Variants in ACOT11 observed in about 807,000 individuals in gnomAD.
ACOT11 encodes the protein acyl-coenzyme A thioesterase 11.
ACOT11 carries 69 observed loss-of-function variants against 77.5 expected under a neutral mutation model. The observed-to-expected ratio is 0.89, with a 90% confidence interval of 0.73 to 1.09. The LOEUF (loss-of-function observed/expected upper bound fraction) is 1.09. ACOT11 is among the 50% of genes least tolerant of loss of function. ACOT11 has a pLI of 0.00. For synonymous variants in ACOT11, 279 were observed against 313.0 expected (o/e 0.89, Z 1.15); for missense variants, 766 against 813.7 (o/e 0.94, Z 0.71).
intron 10 of ACOT11, among the ~76,000 whole-genome samples, chr1:54,603,109 G>A (rs1400780682): frequency 6.6e-6 from 1 of 152,246 alleles, no homozygotes; most frequent in Non-Finnish European, 1.5e-5. Context: ...GGCCGAGGCA[G>A]GCAGATCCCC....
rs569748836 is a variant in ACOT11 at position 54,584,939 on chromosome 1, C to T, written c.241+77C>T. On this transcript the variant is annotated intron_variant, in intron 2 of 15. Transcript: ENST00000343744. This position sits in a 1 kb window ranked among gnomAD's most constrained non-coding sequence, Gnocchi z 6.3. ...GGGCCGTGCTTTCAGAGATGGTCAC[C>T]GTCCACCCTAAGTGCCACACTTGTT... 4.3e-5 allele frequency: 62 copies of T among 1,437,500 alleles called. No homozygotes were observed. Among genetic ancestry groups the T allele is most frequent in the African/African-American group, 1.1e-4 (8 of 71,132 alleles). The allele number at this position is 1,437,500 out of a possible 1,614,324, so 89.0% of individuals were successfully genotyped here.
At chr1:54,585,491 T>G (rs1020287755) in intron 2 of ACOT11, among the ~76,000 whole-genome samples, 1 of 152,120 alleles carries the variant, frequency 6.6e-6, no homozygotes, top group Non-Finnish European at 1.5e-5. Flanking sequence ...GCCAGTGTGG[T>G]GTGATCACTC....
At chr1:54,611,477 GC>G (rs1416052382), downstream of ACOT11, 11 of 846,830 alleles carry the variant, frequency 1.3e-5, no homozygotes, top group Admixed American at 2.5e-4. Flanking sequence ...ACAAAATGCA[GC>G]CGCCTCCTGT....
intron 2 of ACOT11, among the ~76,000 whole-genome samples, chr1:54,585,383 G>T (rs947096818): frequency 1.3e-5 from 2 of 152,200 alleles, no homozygotes; most frequent in African/African-American, 4.8e-5. Context: ...TGCCTGAGGG[G>T]CTAAGGCACC....
In ACOT11 at chr1:54,572,571, G is replaced by T. The variant is rs193054613; in HGVS notation, c.34-12084G>T. Among the ~76,000 whole-genome samples the T allele has an allele frequency of 1.9e-3, 280 of 150,920 alleles. 1 individual carries two copies. The highest frequency in any genetic ancestry group is 3.0e-3 in the Non-Finnish European group (203 of 67,292). On this transcript the variant is annotated intron_variant, in intron 1 of 15. Coordinates refer to ENST00000343744, the MANE Select transcript of ACOT11 (RefSeq NM_147161.4). ...GTGCTGTCAAAGCAGCTCCCCTGAG[G>T]GGGGGGGTCACACGGAAAGGGCGGG...
intron 8 of ACOT11, 71 bp from the exon 9 acceptor site, chr1:54,601,198 T>C: frequency 6.4e-7 from 1 of 1,550,572 alleles, no homozygotes; most frequent in East Asian, 2.3e-5. Context: ...TGTGTGAGTG[T>C]GTGTGTTGGG....
At chr1:54,574,021 C>T (rs915364490) in intron 1 of ACOT11, among the ~76,000 whole-genome samples, 33 of 146,126 alleles carry the variant, frequency 2.3e-4, no homozygotes, top group Non-Finnish European at 1.0e-4. Context: ...AAGAGCGAAA[C>T]TCCATCTCAA....
intron 15 of ACOT11, among the ~76,000 whole-genome samples, chr1:54,622,735 C>T (rs2317686): frequency 0.19 from 29,020 of 151,546 alleles, 3,019 homozygotes; most frequent in South Asian, 0.32. Context: ...GTGAAAACTC[C>T]GTCTCAAAAA....
intron 9 of ACOT11, 79 bp downstream of exon 9, chr1:54,601,492 C>T: frequency 6.4e-7 from 1 of 1,556,506 alleles, no homozygotes; most frequent in Non-Finnish European, 8.7e-7. Context: ...AGACTGCCAG[C>T]CCCCTACAGA....
intron 1 of ACOT11, among the ~76,000 whole-genome samples, chr1:54,581,996 C>G (rs1394766584): frequency 6.6e-6 from 1 of 152,224 alleles, no homozygotes; most frequent in Non-Finnish European, 1.5e-5. Flanking sequence ...TCTGTCCCTG[C>G]TGCCTGTGCT....
chr1:54,571,937 C>T (rs1192754096), intron 1 of ACOT11, among the ~76,000 whole-genome samples: 1 of 152,050 alleles, frequency 6.6e-6, no homozygotes, highest in African/African-American at 2.4e-5. Context: ...GAAGGGCCCG[C>T]AGGACCCTGG....
chr1:54,613,554 C>T (rs1418178399), downstream of ACOT11, among the ~76,000 whole-genome samples: 1 of 152,110 alleles, frequency 6.6e-6, no homozygotes, highest in East Asian at 1.9e-4. Context: ...TCCCAAAGTA[C>T]TGGGATTATA....
At chr1:54,613,409 T>C (rs924389148), downstream of ACOT11, among the ~76,000 whole-genome samples, 3 of 151,978 alleles carry the variant, frequency 2.0e-5, no homozygotes, top group African/African-American at 4.8e-5. Context: ...CCTGTCTTCC[T>C]GCTTTCCTCC....
chr1:54,580,383 G>A (rs561705597), intron 1 of ACOT11, among the ~76,000 whole-genome samples: 1 of 152,288 alleles, frequency 6.6e-6, no homozygotes, highest in Admixed American at 6.5e-5. Flanking sequence ...TTCTCCAGAA[G>A]TCTTCCATCG....
In ACOT11 at chr1:54,548,276, G is replaced by T; in HGVS notation, c.-34G>T. On this transcript the variant is annotated 5_prime_UTR_variant, in exon 1 of 16. Coordinates refer to ENST00000343744, the MANE Select transcript of ACOT11 (RefSeq NM_147161.4). ...GCTCAGGTGACCAGCTTGTGTCTCT[G>T]GGAGGGCGCTGCTTTCCCCGGCCAC... 6.3e-7 allele frequency: 1 copy of T among 1,583,016 alleles called. No homozygotes were observed. Among genetic ancestry groups the T allele is most frequent in the South Asian group, 1.2e-5 (1 of 86,330 alleles).
At chr1:54,606,149 T>C (rs973018887) in intron 13 of ACOT11, among the ~76,000 whole-genome samples, 1 of 152,218 alleles carries the variant, frequency 6.6e-6, no homozygotes, top group South Asian at 2.1e-4. Flanking sequence ...TAAAAAGCCC[T>C]GGCCCAGCTG....
chr1:54,604,886 C>T (rs1644006778), intron 12 of ACOT11, among the ~76,000 whole-genome samples, 190 bp from the exon 13 acceptor site: 2 of 152,332 alleles, frequency 1.3e-5, no homozygotes, highest in Non-Finnish European at 2.9e-5. Context: ...TTGTCTTAAG[C>T]CACCTTCCTG....
chr1:54,616,089 G>A (rs200866369), intron 15 of ACOT11: 3 of 1,614,114 alleles, frequency 1.9e-6, no homozygotes, highest in Non-Finnish European at 2.5e-6. Context: ...ATAGTGGGGG[G>A]GTGTGCCATG....
intron 1 of ACOT11, among the ~76,000 whole-genome samples, chr1:54,575,423 G>A (rs981100063): frequency 6.6e-6 from 1 of 152,156 alleles, no homozygotes; most frequent in Non-Finnish European, 1.5e-5. Flanking sequence ...GGTGGAGGGA[G>A]GCAGGTGACA....
Sources: gnomAD v4.1 joint callset for allele counts (sites outside exome capture counted in the v4.1 genomes callset) on GRCh38, gnomAD v4.1.1 for gene constraint, Gnocchi (gnomAD v3.1) non-coding constraint, MANE v1.5 for transcripts, NCBI Gene and HGNC (gene_info 2026-07-23, HGNC 2026-07-21) for gene names.